The following TNNT3 variants were observed in gnomAD, a reference collection of about 807,000 sequenced individuals.
TNNT3 encodes the protein troponin T3, fast skeletal type, also known as troponin T, fast skeletal muscle.
Under a neutral mutation model 54.2 loss-of-function variants are expected in TNNT3, and 36 were observed. The observed-to-expected ratio is 0.66, with a 90% CI of 0.51 to 0.88. The LOEUF (loss-of-function observed/expected upper bound fraction) is 0.88. TNNT3 is among the 40% of genes least tolerant of loss of function. TNNT3 has a pLI of 0.00. For synonymous variants in TNNT3, 120 were observed against 109.7 expected (o/e 1.09, Z -0.59); for missense variants, 291 against 331.6 (o/e 0.88, Z 0.95).
At chr11:1,935,172 G>A (rs1413193997) in intron 14 of TNNT3, 3 of 577,868 alleles carry the variant, frequency 5.2e-6, no homozygotes, top group South Asian at 2.0e-5. Flanking sequence ...GGGCGGCCTT[G>A]GTTACCCCTG....
At chr11:1,929,647 AC>A (rs1192306256) in intron 7 of TNNT3, among the ~76,000 whole-genome samples, 162 bp from the exon 8 acceptor site, 1 of 152,060 alleles carries the variant, frequency 6.6e-6, no homozygotes, top group Non-Finnish European at 1.5e-5. Flanking sequence ...CAGAAACAGG[AC>A]CCTCTTGTTT....
intron 5 of TNNT3, among the ~76,000 whole-genome samples, chr11:1,925,775 C>A (rs986048038): frequency 1.3e-5 from 2 of 152,184 alleles, no homozygotes; most frequent in African/African-American, 4.8e-5. Flanking sequence ...GTCAGCCCCC[C>A]AGGCCCCCTC....
intron 14 of TNNT3, chr11:1,935,539 G>A (rs915662154): frequency 2.6e-4 from 46 of 174,224 alleles, no homozygotes; most frequent in African/African-American, 1.0e-3. Context: ...AGCCTGCCCG[G>A]GCGGCCTCAG....
chr11:1,923,525 G>A lies in TNNT3; in HGVS notation c.32-30G>A, dbSNP rs200418997. The A allele has an allele frequency of 2.6e-3, 4,137 of 1,613,702 alleles. 8 individuals carry two copies. Among genetic ancestry groups the A allele is most frequent in the Non-Finnish European group, 3.3e-3 (3,858 of 1,179,730 alleles). ...CTTCACGGGCTGCCCCTTCTAACGT[G>A]GTTCCCCTCTTTGTTCTGTCCCAAT... On this transcript the variant is annotated intron_variant, in intron 3 of 15. Coordinates refer to ENST00000278317, the MANE Select transcript of TNNT3 (RefSeq NM_006757.4).
intron 6 of TNNT3, 62 bp from the exon 7 acceptor site, chr11:1,929,058 T>C: frequency 6.2e-7 from 1 of 1,601,096 alleles, no homozygotes. Flanking sequence ...TGCCCACTGC[T>C]CCCCCGCAGC....
intron 15 of TNNT3, 41 bp from the exon 16 acceptor site, chr11:1,938,397 G>C (rs1590032534): frequency 1.2e-6 from 2 of 1,607,540 alleles, no homozygotes; most frequent in Non-Finnish European, 1.7e-6. Flanking sequence ...GGCATGGCCA[G>C]AGGCCCTGAC....
chr11:1,928,514 C>A (rs1019638492), intron 6 of TNNT3, among the ~76,000 whole-genome samples: 1 of 152,092 alleles, frequency 6.6e-6, no homozygotes, highest in Non-Finnish European at 1.5e-5. Flanking sequence ...GGGCTCCTGG[C>A]CTGTGGGTGG....
intron 1 of TNNT3, among the ~76,000 whole-genome samples, chr11:1,920,999 G>T (rs571650223): frequency 6.6e-6 from 1 of 152,138 alleles, no homozygotes; most frequent in East Asian, 2.0e-4. Context: ...GGGCCTGGAG[G>T]TCACCCTGCC....
At position 1,934,619 on chromosome 11, in the gene TNNT3, C is replaced by T. The variant is rs1179208074; in HGVS notation, c.554C>T (p.Pro185Leu). 17 of 1,609,244 alleles carry T rather than the reference C, an allele frequency of 1.1e-5. No homozygotes were observed. Among genetic ancestry groups the T allele is most frequent in the Middle Eastern group, 1.6e-4 (1 of 6,082 alleles). Residue 185 changes from proline (P) to leucine (L), a missense_variant, in exon 13 of 16, where the codon CCG (proline) becomes CTG (leucine). Pro to Leu is a moderately conservative substitution (Grantham distance 98, BLOSUM62 -3). Coordinates refer to ENST00000278317, the MANE Select transcript of TNNT3 (RefSeq NM_006757.4). The part of the protein sequence containing the change: ...KKKILAERRK[P>L]LNIDHLGEDK... ...AAGATTCTGGCTGAGAGACGCAAGCCGCTCAACATCGATCACCTTGGTGAA... is the reference window on the plus strand; with the variant it reads ...AAGATTCTGGCTGAGAGACGCAAGCTGCTCAACATCGATCACCTTGGTGAA...
intron 3 of TNNT3, 90 bp from the exon 4 acceptor site, chr11:1,923,465 G>T: frequency 6.9e-7 from 1 of 1,440,332 alleles, no homozygotes. Flanking sequence ...GCCTGTCCAG[G>T]GCCGGGACAC....
chr11:1,925,411 C>A (rs1403976310), intron 5 of TNNT3: 1 of 955,302 alleles, frequency 1.0e-6, no homozygotes, highest in East Asian at 2.6e-5. Flanking sequence ...CACATGTGGC[C>A]CTAATGTAAC....
chr11:1,938,623 G>C lies in TNNT3; in HGVS notation c.*131G>C, dbSNP rs1164277445. On this transcript the variant is annotated 3_prime_UTR_variant, in exon 16 of 16. Coordinates refer to ENST00000278317, the MANE Select transcript of TNNT3 (RefSeq NM_006757.4). ...CCCTGACAGTCCTGGGGGTGGAGAG[G>C]CCATCCCGGGGCGTCCCCCGCGTCT... The C allele has an allele frequency of 1.0e-6, 1 of 960,396 alleles. No individual in the cohort carries two copies. The highest frequency in any genetic ancestry group is 1.6e-6 in the Non-Finnish European group (1 of 608,538). The allele number at this position is 960,396 out of a possible 1,614,324, so 59.5% of individuals were successfully genotyped here.
intron 5 of TNNT3, among the ~76,000 whole-genome samples, chr11:1,926,074 A>C (rs1851494205): frequency 2.6e-5 from 4 of 151,728 alleles, no homozygotes; most frequent in Admixed American, 2.6e-4. Context: ...GCCAGGCTAC[A>C]ACCTCGCACG....
chr11:1,927,510 C>T (rs375504728), intron 6 of TNNT3, among the ~76,000 whole-genome samples: 69 of 152,256 alleles, frequency 4.5e-4, no homozygotes, highest in Non-Finnish European at 9.1e-4. Flanking sequence ...CTCGGAGAGG[C>T]CCCTGGACAA....
intron 14 of TNNT3, 82 bp downstream of exon 14, chr11:1,935,001 A>G: frequency 9.7e-6 from 13 of 1,341,426 alleles, no homozygotes; most frequent in Non-Finnish European, 1.4e-5. Flanking sequence ...GTCCCTACCA[A>G]ACTCTGGACC....
At chr11:1,936,403 C>A in intron 14 of TNNT3, 2 of 913,834 alleles carry the variant, frequency 2.2e-6, no homozygotes, top group Non-Finnish European at 3.4e-6. Context: ...CCCCTCGTGC[C>A]TGCAGCCGGG....
intron 4 of TNNT3, among the ~76,000 whole-genome samples, chr11:1,924,715 G>A (rs527376869): frequency 1.4e-3 from 210 of 152,290 alleles, no homozygotes; most frequent in African/African-American, 4.7e-3. Flanking sequence ...GGGGCTTCCC[G>A]CAGGCCCTGT....
At chr11:1,929,342 C>T (rs953194785) in intron 7 of TNNT3, among the ~76,000 whole-genome samples, 199 bp downstream of exon 7, 3 of 152,180 alleles carry the variant, frequency 2.0e-5, no homozygotes, top group South Asian at 2.1e-4. Flanking sequence ...CAGGGCCTCG[C>T]GGGTGCCACC....
intron 4 of TNNT3, among the ~76,000 whole-genome samples, chr11:1,924,228 C>T (rs544928437): frequency 1.3e-5 from 2 of 152,286 alleles, no homozygotes; most frequent in South Asian, 4.1e-4. Flanking sequence ...CACCCCCCAA[C>T]CCTGTGCTGT....
Sources: gnomAD v4.1 joint callset for allele counts (sites outside exome capture counted in the v4.1 genomes callset) on GRCh38, gnomAD v4.1.1 for gene constraint, MANE v1.5 for transcripts, NCBI Gene and HGNC (gene_info 2026-07-23, HGNC 2026-07-21) for gene names.